Variants in TXLNB observed in about 807,000 individuals in gnomAD.
The protein encoded by TXLNB is taxilin beta.
A neutral mutation model predicts 57.4 loss-of-function variants in TXLNB; 37 were observed. The observed-to-expected ratio is 0.64, with a 90% CI of 0.50 to 0.85. TXLNB has a LOEUF of 0.85. Ranked by LOEUF, TXLNB falls within the 40% of genes least tolerant of loss-of-function variation. The probability of loss-of-function intolerance (pLI) is 0.00; values close to 1 mark genes in which losing one functional copy is unlikely to be tolerated. For missense variants in TXLNB, 848 were observed against 825.6 expected (o/e 1.03, Z -0.33); for synonymous variants, 302 against 309.6 (o/e 0.98, Z 0.26).
the TXLNB span, among the ~76,000 whole-genome samples, chr6:139,195,572 A>G: frequency 1.3e-5 from 2 of 152,236 alleles, no homozygotes; most frequent in Non-Finnish European, 2.9e-5. Context: ...TTTCAAAAGA[A>G]CCAGAAAAAC....
upstream of TXLNB, among the ~76,000 whole-genome samples, chr6:139,293,131 T>A (rs1477584402): frequency 6.6e-6 from 1 of 152,174 alleles, no homozygotes; most frequent in African/African-American, 2.4e-5. Flanking sequence ...AGAGTCTCGC[T>A]CTGTCACTCA....
At chr6:139,299,293 A>G in the TXLNB span, among the ~76,000 whole-genome samples, 3 of 152,078 alleles carry the variant, frequency 2.0e-5, no homozygotes, top group Non-Finnish European at 4.4e-5. Flanking sequence ...GGCTCATGTC[A>G]CCCTTTTTGT....
At chr6:139,205,097 T>A in the TXLNB span, among the ~76,000 whole-genome samples, 2 of 152,210 alleles carry the variant, frequency 1.3e-5, no homozygotes, top group Non-Finnish European at 2.9e-5. Context: ...ATACTTCCCC[T>A]GGCCAACTTA....
chr6:139,269,369 A>G (rs1776700995), intron 4 of TXLNB, among the ~76,000 whole-genome samples: 1 of 152,212 alleles, frequency 6.6e-6, no homozygotes, highest in Non-Finnish European at 1.5e-5. Context: ...CAAGAGATTT[A>G]TGCATCCTTT....
At chr6:139,196,365 GTTTTTTTTTT>G in the TXLNB span, among the ~76,000 whole-genome samples, 1 of 38,966 alleles carries the variant, frequency 2.6e-5, no homozygotes, top group Non-Finnish European at 4.8e-5. Context: ...TCCAGATCTG[GTTTTTTTTTT>G]TTTTTTTTTT....
chr6:139,262,899 A>G (rs1336397400), intron 4 of TXLNB, 126 bp from the exon 5 acceptor site: 10 of 879,706 alleles, frequency 1.1e-5, no homozygotes, highest in Non-Finnish European at 1.7e-5. Context: ...CTCTAGAGCT[A>G]AAGCTGCTCA....
the TXLNB span, among the ~76,000 whole-genome samples, chr6:139,173,680 G>C: frequency 6.6e-6 from 1 of 152,252 alleles, no homozygotes; most frequent in East Asian, 1.9e-4. Flanking sequence ...TATTTAAACT[G>C]TGATGCTTCC....
At chr6:139,211,159 T>A in the TXLNB span, among the ~76,000 whole-genome samples, 1 of 152,196 alleles carries the variant, frequency 6.6e-6, no homozygotes, top group African/African-American at 2.4e-5. Flanking sequence ...CAGCTTGAGA[T>A]CTGAGAACGG....
chr6:139,281,649 C>G (rs1193494082), intron 2 of TXLNB, among the ~76,000 whole-genome samples: 1 of 105,036 alleles, frequency 9.5e-6, no homozygotes, highest in Non-Finnish European at 1.7e-5. Context: ...CCCGGGTTCA[C>G]GCCATTCTCC....
the TXLNB span, among the ~76,000 whole-genome samples, chr6:139,298,584 GT>G: frequency 6.6e-6 from 1 of 152,174 alleles, no homozygotes; most frequent in Admixed American, 6.5e-5. Context: ...CATGCAGAGT[GT>G]CCCCTGAGGG....
the TXLNB span, among the ~76,000 whole-genome samples, chr6:139,211,890 C>T: frequency 0.015 from 2,278 of 151,598 alleles, 39 homozygotes; most frequent in African/African-American, 0.049. Context: ...CGATGGAAGA[C>T]GAAATGAATA....
At chr6:139,260,556 G>T in intron 5 of TXLNB, 119 bp from the exon 6 acceptor site, 6 of 1,113,898 alleles carry the variant, frequency 5.4e-6, no homozygotes, top group Non-Finnish European at 7.6e-6. Context: ...AGAAGAGAGG[G>T]ATAAATGCAT....
At chr6:139,281,370 G>A (rs1180322411) in intron 2 of TXLNB, among the ~76,000 whole-genome samples, 3 of 152,028 alleles carry the variant, frequency 2.0e-5, no homozygotes, top group Non-Finnish European at 2.9e-5. Context: ...TGCTTGTTTC[G>A]TTTGGTTTTA....
rs781109653 is a variant in TXLNB at position 139,242,817 on chromosome 6, G to A, written c.1764C>T (p.Thr588=). 2 of 1,614,054 alleles carry A rather than the reference G, an allele frequency of 1.2e-6. No individual in the cohort carries two copies. The highest frequency in any genetic ancestry group is 1.7e-6 in the Non-Finnish European group (2 of 1,180,052). The change falls in exon 10 of 10, where the codon ACC becomes ACT. Residue 588 remains threonine, a synonymous_variant. Transcript: ENST00000358430. ...SNSPAGLGAE[T]QCEGLPVGAQ... ...CTCCAACAGGGAGACCCTCGCATTG[G>A]GTTTCTGCTCCCAACCCGGCAGGAG...
At chr6:139,238,153 G>A (rs1775856833), downstream of TXLNB, among the ~76,000 whole-genome samples, 1 of 152,138 alleles carries the variant, frequency 6.6e-6, no homozygotes, top group African/African-American at 2.4e-5. Flanking sequence ...CAGCACTTTG[G>A]GAGGCCAAGG....
intron 3 of TXLNB, chr6:139,271,542 T>C (rs752913868): frequency 1.3e-5 from 2 of 152,204 alleles, no homozygotes; most frequent in South Asian, 2.1e-4. Flanking sequence ...TAAGAAATAA[T>C]TTTTAGCGTA....
chr6:139,290,519 G>T (rs1777280023), intron 1 of TXLNB, among the ~76,000 whole-genome samples: 1 of 152,080 alleles, frequency 6.6e-6, no homozygotes, highest in Admixed American at 6.5e-5. Flanking sequence ...AAGTCAGGAA[G>T]CTCTAGAAAA....
chr6:139,164,397 T>TG, the TXLNB span, among the ~76,000 whole-genome samples: 5 of 149,808 alleles, frequency 3.3e-5, 1 homozygote. Flanking sequence ...GAAGGTGGGG[T>TG]GGGTGGGCTA....
At chr6:139,253,929 G>T (rs1028036894) in intron 7 of TXLNB, among the ~76,000 whole-genome samples, 2 of 152,180 alleles carry the variant, frequency 1.3e-5, no homozygotes, top group African/African-American at 2.4e-5. Flanking sequence ...GATAGAATTA[G>T]AGGCCTTGGC....
Sources: allele counts gnomAD v4.1 joint callset (sites outside exome capture counted in the v4.1 genomes callset), GRCh38; gene constraint gnomAD v4.1.1; transcripts MANE v1.5; gene names NCBI Gene and HGNC (gene_info 2026-07-23, HGNC 2026-07-21).